NBEAL1: variants seen among roughly 807,000 people sequenced by gnomAD.
NBEAL1 encodes neurobeachin like 1.
A neutral mutation model predicts 351.3 loss-of-function variants in NBEAL1; 273 were observed. The observed-to-expected ratio is 0.78, with a 90% confidence interval of 0.70 to 0.86. The LOEUF is 0.86. Among genes scored for constraint, NBEAL1 ranks in the 40% least tolerant of loss-of-function variants. The pLI is 0.00. For missense variants in NBEAL1, 2,961 were observed against 3,201.3 expected (o/e 0.92, Z 1.81); for synonymous variants, 1,050 against 1,086.4 (o/e 0.97, Z 0.66).
chr2:203,031,191 C>G (rs889779260), intron 2 of NBEAL1, among the ~76,000 whole-genome samples: 4 of 152,154 alleles, frequency 2.6e-5, no homozygotes, highest in African/African-American at 9.7e-5. Context: ...CTCTTGTCTT[C>G]GTTTGCATTG....
chr2:203,217,992 T>C lies in NBEAL1; in HGVS notation c.*638T>C, dbSNP rs2065915655. ...AAAATTGAGTAGAAAAAAGTGGAAC[T>C]AGAGATACATTTTACAGATGTATTT... On this transcript the variant is annotated 3_prime_UTR_variant, in exon 56 of 56. Coordinates refer to ENST00000683969, the MANE Select transcript of NBEAL1 (RefSeq NM_001378026.1). 3.5e-6 allele frequency: 3 copies of C among 848,578 alleles called. No homozygotes were observed. The highest frequency in any genetic ancestry group is 1.8e-5 in the African/African-American group (1 of 54,396). The allele number at this position is 848,578 out of a possible 1,614,324, so 52.6% of individuals were successfully genotyped here.
intron 2 of NBEAL1, among the ~76,000 whole-genome samples, chr2:203,029,353 G>T (rs970440075): frequency 1.3e-5 from 2 of 152,182 alleles, no homozygotes; most frequent in African/African-American, 4.8e-5. Flanking sequence ...CAGAATTCAT[G>T]CAAGAGGACA....
At chr2:203,199,576 G>C (rs1303540921) in intron 49 of NBEAL1, 129 bp downstream of exon 49, 4 of 526,612 alleles carry the variant, frequency 7.6e-6, no homozygotes, top group Non-Finnish European at 1.3e-5. Flanking sequence ...ACAGAGTCTT[G>C]CTCTGCGGTG....
intron 47 of NBEAL1, among the ~76,000 whole-genome samples, chr2:203,195,498 T>C (rs2065214880): frequency 6.6e-6 from 1 of 152,210 alleles, no homozygotes; most frequent in African/African-American, 2.4e-5. Context: ...AAATTATGAC[T>C]AATTCCCAGG....
At position 203,180,480 on chromosome 2, in the gene NBEAL1, T is replaced by C; in HGVS notation, c.6563T>C (p.Phe2188Ser). The change falls in exon 43 of 56, where the codon TTC (phenylalanine) becomes TCC (serine). Residue 2188 changes from phenylalanine (F) to serine (S), a missense_variant. Physicochemically the swap from Phe to Ser is radical, Grantham distance 155. Transcript: ENST00000683969. The part of the protein sequence containing the change: ...YDVKELIPEF[F>S]YFPEFLENQN... ...GTTAAAGAACTTATTCCTGAATTCT[T>C]CTATTTCCCAGAGTTTTTGGAAAAT... is the stretch of plus-strand genomic sequence containing the variant. 6.2e-7 allele frequency: 1 copy of C among 1,611,486 alleles called. No homozygotes were observed.
rs895965486 is a variant in NBEAL1 at position 203,211,056 on chromosome 2, C to T, written c.7884C>T (p.His2628=). Residue 2628 remains histidine (H), a synonymous_variant, in exon 54 of 56, where the codon CAC becomes CAT. Transcript: ENST00000683969. ...QVSDICIIGE[H]IVTGSIQGFL... Reference sequence around the variant, plus strand: ...CAGATATATGTATAATCGGAGAACACATTGTCACAGGCAGCATACAAGGAT... The same window carrying T: ...CAGATATATGTATAATCGGAGAACATATTGTCACAGGCAGCATACAAGGAT... 6.2e-7 allele frequency: 1 copy of T among 1,607,408 alleles called. No homozygotes were observed. Among genetic ancestry groups the T allele is most frequent in the African/African-American group, 1.3e-5 (1 of 74,904 alleles).
At chr2:203,190,111 G>A (rs62182253) in intron 45 of NBEAL1, among the ~76,000 whole-genome samples, 181 bp from the exon 46 acceptor site, 87,094 of 147,734 alleles carry the variant, frequency 0.59, 26,937 homozygotes, top group Middle Eastern at 0.78. Context: ...ACTCCAGCCT[G>A]GGCAACAGAG....
At chr2:203,166,442 T>G in intron 37 of NBEAL1, 145 bp downstream of exon 37, 1 of 702,750 alleles carries the variant, frequency 1.4e-6, no homozygotes, top group Non-Finnish European at 2.3e-6. Flanking sequence ...AAATTTGTTA[T>G]TCACCAAGGT....
At chr2:203,213,451 A>G (rs2065841961) in intron 54 of NBEAL1, 67 bp from the exon 55 acceptor site, 6 of 1,382,838 alleles carry the variant, frequency 4.3e-6, no homozygotes, top group Admixed American at 2.0e-5. Context: ...TATTTTCCAG[A>G]TATAAAATTC....
chr2:203,190,715 G>A (rs531053481), intron 46 of NBEAL1: 41 of 1,583,198 alleles, frequency 2.6e-5, no homozygotes, highest in Non-Finnish European at 3.3e-5. Context: ...GCTCGGAGGA[G>A]GCCAAGGTGC....
rs747600137 is a variant in NBEAL1, at chr2:203,126,933, T to C, written c.3248+7T>C. The C allele has an allele frequency of 2.8e-5, 43 of 1,516,064 alleles. No individual in the cohort carries two copies. The African/African-American group carries it at 4.8e-4, about 17-fold the overall frequency. The allele number at this position is 1,516,064 out of a possible 1,614,324, so 93.9% of individuals were successfully genotyped here. A position where few individuals can be genotyped will look rare whatever the true frequency, so the allele number is the denominator to read the frequency against. ...CACTTAGGATTTATTATGGGTATGA[T>C]GCCCTTGTTCTTTCTCAGTTTGATA... On this transcript the variant is annotated splice_region_variant and intron_variant, in intron 23 of 55. Coordinates refer to ENST00000683969, the MANE Select transcript of NBEAL1 (RefSeq NM_001378026.1).
chr2:203,097,388 A>G (rs1304044184), intron 10 of NBEAL1, among the ~76,000 whole-genome samples, 159 bp from the exon 11 acceptor site: 1 of 152,236 alleles, frequency 6.6e-6, no homozygotes, highest in Non-Finnish European at 1.5e-5. Context: ...CATAATCCAA[A>G]AAGTGAATAA....
intron 2 of NBEAL1, among the ~76,000 whole-genome samples, chr2:203,039,262 TTCCC>T (rs1359486395): frequency 1.9e-5 from 1 of 51,704 alleles, no homozygotes; most frequent in Non-Finnish European, 3.7e-5. Context: ...TTCCCTTCCC[TTCCC>T]TTCCCTTCCC....
intron 48 of NBEAL1, among the ~76,000 whole-genome samples, chr2:203,198,023 T>TTC (rs1215782942): frequency 1.4e-5 from 2 of 142,308 alleles, no homozygotes; most frequent in Non-Finnish European, 3.1e-5. Context: ...TTCTTTTCTT[T>TTC]TTTTTTTTTT....
intron 47 of NBEAL1, among the ~76,000 whole-genome samples, chr2:203,194,479 T>G (rs746410877): frequency 6.6e-5 from 10 of 152,200 alleles, no homozygotes; most frequent in Non-Finnish European, 1.3e-4. Context: ...AAATTGAAAA[T>G]AAAAAGTTAC....
chr2:203,125,838 G>T (rs866168411), intron 20 of NBEAL1, 122 bp from the exon 21 acceptor site: 3 of 774,714 alleles, frequency 3.9e-6, no homozygotes, highest in Non-Finnish European at 5.9e-6. Flanking sequence ...ACAATAGAGC[G>T]TTGGAAGCTG....
Position 203,136,132 on chromosome 2 carries a change from G to T in NBEAL1, c.4269G>T (p.Leu1423=), listed in dbSNP as rs1401868152. 6.2e-7 allele frequency: 1 copy of T among 1,614,126 alleles called. No individual in the cohort carries two copies. Among genetic ancestry groups the T allele is most frequent in the East Asian group, 2.2e-5 (1 of 44,876 alleles). ...SDSGSQVPDS[L]PSTPSPVEST... is the part of the protein sequence containing the mutation. The stretch of plus-strand genomic sequence containing the variant: ...GTGGAAGTCAAGTGCCAGACAGTCT[G>T]CCTAGCACACCATCCCCAGTAGAGT... The change falls in exon 28 of 56, where the codon CTG becomes CTT. Residue 1423 remains leucine, a synonymous_variant. Transcript: ENST00000683969.
chr2:203,099,599 A>G (rs1241469628), intron 11 of NBEAL1, 30 bp from the exon 12 acceptor site: 1 of 1,417,740 alleles, frequency 7.1e-7, no homozygotes, highest in Non-Finnish European at 9.6e-7. Context: ...CACATTTGTT[A>G]ATTTCTTGTT....
At chr2:203,124,731 A>T (rs985054319) in intron 19 of NBEAL1, among the ~76,000 whole-genome samples, 1 of 152,306 alleles carries the variant, frequency 6.6e-6, no homozygotes, top group Non-Finnish European at 1.5e-5. Flanking sequence ...TATGTCAGAG[A>T]CTGCACTTTT....
Sources: gnomAD v4.1 joint callset for allele counts (sites outside exome capture counted in the v4.1 genomes callset) on GRCh38, gnomAD v4.1.1 for gene constraint, MANE v1.5 for transcripts, NCBI Gene and HGNC (gene_info 2026-07-23, HGNC 2026-07-21) for gene names.